The following DNM1 variants were observed in gnomAD, a reference collection of about 807,000 sequenced individuals.
The protein encoded by DNM1 is dynamin-1.
DNM1 carries 29 observed loss-of-function variants against 104.6 expected under a neutral mutation model. That is an observed-to-expected ratio of 0.28 (90% CI 0.21 to 0.38). The LOEUF (loss-of-function observed/expected upper bound fraction) is 0.38. Ranked by LOEUF, DNM1 falls within the 10% of genes least tolerant of loss-of-function variation. DNM1 has a pLI of 1.00. For missense variants in DNM1, 640 were observed against 1,189.4 expected (o/e 0.54, Z 6.79); for synonymous variants, 445 against 475.8 (o/e 0.94, Z 0.84).
intron 1 of DNM1, chr9:128,204,511 A>AAACCACTTCTTATCCTTTTCT (rs1833777315): frequency 6.6e-6 from 1 of 152,260 alleles, no homozygotes; most frequent in African/African-American, 2.4e-5. Flanking sequence ...GGTGGCGGAG[A>AAACCACTTCTTATCCTTTTCT]GAGGAACAAC....
intron 11 of DNM1, among the ~76,000 whole-genome samples, chr9:128,234,314 CAGTTCAGTGGCACTA>C (rs1327315415): frequency 1.3e-5 from 2 of 152,266 alleles, no homozygotes; most frequent in Non-Finnish European, 2.9e-5. Context: ...TTTAAGCGCA[CAGTTCAGTGGCACTA>C]AGTACATTTG....
At chr9:128,225,040 G>A (rs1835258191) in intron 10 of DNM1, among the ~76,000 whole-genome samples, 1 of 152,164 alleles carries the variant, frequency 6.6e-6, no homozygotes, top group African/African-American at 2.4e-5. Context: ...GAAGCACGCA[G>A]GGAGGCAGGA....
Position 128,247,329 on chromosome 9 carries a change from G to T in DNM1, c.1782-46G>T. The stretch of plus-strand genomic sequence containing the variant: ...GGGCATGCCCTTAACCCCCAGGGAG[G>T]GTCAGACTTTGCCCATCTGCCCTCA... On this transcript the variant is annotated intron_variant, in intron 16 of 21. Transcript: ENST00000372923. The surrounding 1 kb of genome is among the most constrained non-coding windows in gnomAD (Gnocchi z 5.1). The T allele has an allele frequency of 7.1e-7, 1 of 1,404,960 alleles. No homozygotes were observed. The highest frequency in any genetic ancestry group is 1.2e-5 in the South Asian group (1 of 83,150). 87.0% of individuals were successfully genotyped at this position (1,404,960 alleles called of 1,614,324 possible). A position where few individuals can be genotyped will look rare whatever the true frequency, so the allele number is the denominator to read the frequency against.
chr9:128,235,973 A>G (rs1232925330), intron 11 of DNM1, among the ~76,000 whole-genome samples: 2 of 152,062 alleles, frequency 1.3e-5, no homozygotes, highest in Non-Finnish European at 2.9e-5. Flanking sequence ...TCAGCCTCCC[A>G]AAATGCTGAG....
At chr9:128,233,956 G>T (rs1323584599) in intron 10 of DNM1, 65 bp from the exon 11 acceptor site, 4 of 1,424,366 alleles carry the variant, frequency 2.8e-6, no homozygotes, top group East Asian at 5.0e-5. Context: ...GGACTCGTGG[G>T]GTGTGGGTGC....
rs745489299 is a variant in DNM1, at chr9:128,254,439, C to G, written c.2535-215C>G. 2 of 1,461,806 alleles carry G rather than the reference C, an allele frequency of 1.4e-6. No individual in the cohort carries two copies. Among genetic ancestry groups the G allele is most frequent in the Non-Finnish European group, 1.8e-6 (2 of 1,115,068 alleles). 90.6% of individuals were successfully genotyped at this position (1,461,806 alleles called of 1,614,324 possible). ...GGCCGCCACAGCCCCCAGGCGCTAT[C>G]TGTGAAGCTACGGCTCCTCCCTCCA... On this transcript the variant is annotated intron_variant, in intron 21 of 21. Transcript: ENST00000372923. This position sits in a 1 kb window ranked among gnomAD's most constrained non-coding sequence, Gnocchi z 6.1.
At chr9:128,226,288 C>G in intron 10 of DNM1, 3 of 1,461,186 alleles carry the variant, frequency 2.1e-6, no homozygotes, top group Non-Finnish European at 2.7e-6. Context: ...AGGGACCCAG[C>G]CCTAGTGTTT....
At chr9:128,217,719 T>C (rs996378395) in intron 1 of DNM1, among the ~76,000 whole-genome samples, 2 of 152,152 alleles carry the variant, frequency 1.3e-5, no homozygotes, top group African/African-American at 4.8e-5. Context: ...GCCCGGCCCA[T>C]GAGTCCTTTT....
In DNM1 at chr9:128,242,208, ACCT is replaced by A. The variant is rs1193085933; in HGVS notation, c.1558-20_1558-18del. The A allele has an allele frequency of 7.2e-7, 1 of 1,390,830 alleles. No homozygotes were observed. Among genetic ancestry groups the A allele is most frequent in the East Asian group, 2.3e-5 (1 of 43,704 alleles). The allele number at this position is 1,390,830 out of a possible 1,614,324, so 86.2% of individuals were successfully genotyped here. On this transcript the variant is annotated intron_variant, in intron 14 of 21. Transcript: ENST00000372923. ...GGGGAGGCTCAGGCCCTGTCCACTG[ACCT>A]CCTGCCCCATCACCCTCCAGGTCAT...
In DNM1 at chr9:128,224,847, A is replaced by G. The variant is rs982106472; in HGVS notation, c.1335+458A>G. On this transcript the variant is annotated intron_variant, in intron 10 of 21. Transcript: ENST00000372923. The surrounding 1 kb of genome is among the most constrained non-coding windows in gnomAD (Gnocchi z 4.3). Reference sequence around the variant, plus strand: ...GAGGGGGTGCAGAGGACCCAGGACTAGCAGGTGCCCTGGCTCCCCGCTGTC... The same window carrying G: ...GAGGGGGTGCAGAGGACCCAGGACTGGCAGGTGCCCTGGCTCCCCGCTGTC... Among the ~76,000 whole-genome samples, 2 of 152,116 alleles carry G rather than the reference A, an allele frequency of 1.3e-5. No individual in the cohort carries two copies. Among genetic ancestry groups the G allele is most frequent in the Non-Finnish European group, 1.5e-5 (1 of 68,002 alleles).
At chr9:128,217,092 A>T (rs1834654104) in intron 1 of DNM1, among the ~76,000 whole-genome samples, 1 of 152,252 alleles carries the variant, frequency 6.6e-6, no homozygotes, top group Non-Finnish European at 1.5e-5. Context: ...GCTGAGGTTG[A>T]CATTGGCACG....
chr9:128,235,350 C>T (rs908500411), intron 11 of DNM1, among the ~76,000 whole-genome samples: 3 of 151,980 alleles, frequency 2.0e-5, no homozygotes, highest in East Asian at 1.9e-4. Flanking sequence ...AAAATTTAGC[C>T]GGACTTGGTG....
chr9:128,243,607 G>A lies in DNM1; in HGVS notation c.1671+1262G>A, dbSNP rs1237696899. Among the ~76,000 whole-genome samples, 16 of 152,346 alleles carry A rather than the reference G, an allele frequency of 1.1e-4. No individual in the cohort carries two copies. The East Asian group carries it at 2.7e-3, about 26-fold the overall frequency. ...GCCCCTGGAAGGGATGGAGTGTGCA[G>A]TGGCATGGGGTGCGGGTGGGGGGTG... On this transcript the variant is annotated intron_variant, in intron 15 of 21. Coordinates refer to ENST00000372923, the MANE Select transcript of DNM1 (RefSeq NM_004408.4). The surrounding 1 kb of genome is among the most constrained non-coding windows in gnomAD (Gnocchi z 4.0).
intron 1 of DNM1, among the ~76,000 whole-genome samples, chr9:128,212,745 G>A (rs118040838): frequency 6.6e-6 from 1 of 152,164 alleles, no homozygotes; most frequent in Non-Finnish European, 1.5e-5. Context: ...CGATCCAAAG[G>A]CTGTAGATTT....
Position 128,220,742 on chromosome 9 carries a change from CGTGT to C in DNM1, c.849+424_849+427del, listed in dbSNP as rs140950284. On this transcript the variant is annotated intron_variant, in intron 6 of 21. Transcript: ENST00000372923. This position sits in a 1 kb window ranked among gnomAD's most constrained non-coding sequence, Gnocchi z 5.2. ...CAGAACTGAAGTGCGCGCGCGCGCG[CGTGT>C]GTGTGTGTGTGTGTGTGTGTGTCTG... Among the ~76,000 whole-genome samples the C allele has an allele frequency of 9.5e-4, 130 of 136,362 alleles. No individual in the cohort carries two copies. The highest frequency in any genetic ancestry group is 3.2e-3 in the African/African-American group (121 of 37,810). 89.5% of individuals were successfully genotyped at this position (136,362 alleles called of 152,430 possible).
At chr9:128,244,988 C>T (rs758081834) in intron 15 of DNM1, 23 of 274,742 alleles carry the variant, frequency 8.4e-5, no homozygotes, top group Non-Finnish European at 1.5e-4. Flanking sequence ...CCTCCTTTGA[C>T]GTGGCAGGGG....
chr9:128,247,285 C>A lies in DNM1; in HGVS notation c.1782-90C>A. Reference sequence around the variant, plus strand: ...AGCTGGGAAATGAGCTGGCCTCAGGCATGTTGACCCCAAAGTCTGGGCATG... The same window carrying A: ...AGCTGGGAAATGAGCTGGCCTCAGGAATGTTGACCCCAAAGTCTGGGCATG... On this transcript the variant is annotated intron_variant, in intron 16 of 21. Coordinates refer to ENST00000372923, the MANE Select transcript of DNM1 (RefSeq NM_004408.4). The surrounding 1 kb of genome is among the most constrained non-coding windows in gnomAD (Gnocchi z 5.1). The A allele has an allele frequency of 1.3e-6, 1 of 795,078 alleles. No homozygotes were observed. Among genetic ancestry groups the A allele is most frequent in the Non-Finnish European group, 2.1e-6 (1 of 481,272 alleles). 49.3% of individuals were successfully genotyped at this position (795,078 alleles called of 1,614,324 possible). A position where few individuals can be genotyped will look rare whatever the true frequency, so the allele number is the denominator to read the frequency against.
intron 21 of DNM1, chr9:128,251,730 C>T (rs1354937944): frequency 6.6e-6 from 1 of 152,042 alleles, no homozygotes; most frequent in African/African-American, 2.4e-5. Flanking sequence ...CTGCTTCATT[C>T]CCAAAGATTT....
At chr9:128,249,096 G>A (rs1314642361) in intron 19 of DNM1, among the ~76,000 whole-genome samples, 6 of 151,962 alleles carry the variant, frequency 3.9e-5, no homozygotes, top group Admixed American at 6.6e-5. Context: ...GGGAGGCTGA[G>A]GCAGGAGAAT....
Sources: allele counts gnomAD v4.1 joint callset (sites outside exome capture counted in the v4.1 genomes callset), GRCh38; gene constraint gnomAD v4.1.1; non-coding constraint Gnocchi (gnomAD v3.1); transcripts MANE v1.5; gene names NCBI Gene and HGNC (gene_info 2026-07-23, HGNC 2026-07-21).